The following DGKI variants were observed in gnomAD, a reference collection of about 807,000 sequenced individuals.
The protein encoded by DGKI is diacylglycerol kinase iota.
DGKI carries 55 observed loss-of-function variants against 147.5 expected under a neutral mutation model. The observed-to-expected ratio is 0.37, with a 90% CI of 0.30 to 0.47. The LOEUF (loss-of-function observed/expected upper bound fraction) is 0.47. DGKI is among the 20% of genes least tolerant of loss of function. DGKI has a pLI of 1.00. For synonymous variants in DGKI, 469 were observed against 477.1 expected (o/e 0.98, Z 0.22); for missense variants, 1,007 against 1,323.8 (o/e 0.76, Z 3.71).
At position 137,472,392 on chromosome 7, in the gene DGKI, T is replaced by TAATTATATGTATATACA. The variant is rs61018353; in HGVS notation, c.2374-2774_2374-2773insTGTATATACATATAATT. Among the ~76,000 whole-genome samples the TAATTATATGTATATACA allele has an allele frequency of 3.1e-4, 4 of 12,842 alleles. 1 individual carries two copies. Among genetic ancestry groups the TAATTATATGTATATACA allele is most frequent in the African/African-American group, 5.1e-4 (4 of 7,800 alleles). 8.4% of individuals were successfully genotyped at this position (12,842 alleles called of 152,430 possible). A position where few individuals can be genotyped will look rare whatever the true frequency, so the allele number is the denominator to read the frequency against. On this transcript the variant is annotated intron_variant, in intron 23 of 32. Coordinates refer to ENST00000614521, the MANE Select transcript of DGKI (RefSeq NM_001321708.2). ...TAATTATTATATGTATATATACATA[T>TAATTATATGTATATACA]TATAATTATTATATGTATATATACA...
intron 20 of DGKI, among the ~76,000 whole-genome samples, chr7:137,552,005 GCTAA>G (rs774052882): frequency 6.6e-5 from 10 of 152,144 alleles, no homozygotes; most frequent in African/African-American, 1.4e-4. Flanking sequence ...TAAAGAGCAG[GCTAA>G]CTATGTGCTT....
chr7:137,581,784 G>A (rs1269093733), intron 15 of DGKI, 66 bp downstream of exon 15: 11 of 1,361,634 alleles, frequency 8.1e-6, no homozygotes, highest in South Asian at 1.2e-5. Flanking sequence ...ACAAACAAAA[G>A]GGAACATGCA....
Position 137,588,475 on chromosome 7 carries a change from C to CTTTTTTTT in DGKI, c.1312-1273_1312-1266dup, listed in dbSNP as rs71533759. On this transcript the variant is annotated intron_variant, in intron 12 of 32. Transcript: ENST00000614521. The stretch of plus-strand genomic sequence containing the variant: ...TAACACAAAGATGGACATACCGATG[C>CTTTTTTTT]TTTTTTTTTTTTTTTTTTTGAGATG... Among the ~76,000 whole-genome samples the CTTTTTTTT allele has an allele frequency of 6.2e-4, 72 of 116,684 alleles. 8 individuals are homozygous for CTTTTTTTT. The highest frequency in any genetic ancestry group is 2.5e-3 in the African/African-American group (68 of 27,464). 76.5% of individuals were successfully genotyped at this position (116,684 alleles called of 152,430 possible).
chr7:137,540,012 C>A lies in DGKI; in HGVS notation c.2147+12357G>T, dbSNP rs146178854. On this transcript the variant is annotated intron_variant, in intron 20 of 32. Transcript: ENST00000614521. Reference sequence around the variant, plus strand: ...AAATGGACCAATTCCTCAAATACTTCGAGCAACTATAAGACAACTAAAACT... The same window carrying A: ...AAATGGACCAATTCCTCAAATACTTAGAGCAACTATAAGACAACTAAAACT... Among the ~76,000 whole-genome samples, 365 of 152,264 alleles carry A rather than the reference C, an allele frequency of 2.4e-3. 1 individual carries two copies. Among genetic ancestry groups the A allele is most frequent in the African/African-American group, 8.6e-3 (357 of 41,552 alleles).
intron 30 of DGKI, among the ~76,000 whole-genome samples, chr7:137,404,649 T>C (rs75420125): frequency 1.9e-3 from 295 of 152,302 alleles, no homozygotes; most frequent in African/African-American, 6.8e-3. Context: ...AGAAATTGTT[T>C]GCCTGGAAGT....
chr7:137,475,300 G>C (rs755722989), intron 23 of DGKI, among the ~76,000 whole-genome samples: 4 of 152,168 alleles, frequency 2.6e-5, no homozygotes, highest in Non-Finnish European at 4.4e-5. Flanking sequence ...CCATTTGTTG[G>C]TTTGGTGCTT....
intron 20 of DGKI, 83 bp from the exon 21 acceptor site, chr7:137,522,049 T>C (rs1274804358): frequency 2.2e-6 from 2 of 914,712 alleles, no homozygotes; most frequent in Admixed American, 2.5e-5. Context: ...AGGGCAATAT[T>C]GTCTCTTCAT....
At chr7:137,785,732 A>G (rs1454919980) in intron 1 of DGKI, among the ~76,000 whole-genome samples, 1 of 152,112 alleles carries the variant, frequency 6.6e-6, no homozygotes, top group African/African-American at 2.4e-5. Context: ...CCAACAAAAT[A>G]CTAGTGAACT....
intron 27 of DGKI, among the ~76,000 whole-genome samples, chr7:137,458,193 C>T (rs1814278709): frequency 6.6e-6 from 1 of 152,130 alleles, no homozygotes; most frequent in South Asian, 2.1e-4. Flanking sequence ...AATGAAATCA[C>T]AAATCAGACC....
intron 1 of DGKI, among the ~76,000 whole-genome samples, chr7:137,704,870 T>C (rs568978758): frequency 6.6e-6 from 1 of 152,290 alleles, no homozygotes; most frequent in Non-Finnish European, 1.5e-5. Context: ...CGATATGTTA[T>C]ATGTGCTGAA....
intron 6 of DGKI, among the ~76,000 whole-genome samples, chr7:137,628,260 T>C (rs911391990): frequency 6.6e-6 from 1 of 152,112 alleles, no homozygotes; most frequent in African/African-American, 2.4e-5. Context: ...AAACAAACAA[T>C]AAGGCCAATC....
At chr7:137,462,474 C>G (rs1814483796) in intron 27 of DGKI, among the ~76,000 whole-genome samples, 1 of 152,206 alleles carries the variant, frequency 6.6e-6, no homozygotes, top group Non-Finnish European at 1.5e-5. Context: ...ATGAAGTCTT[C>G]TGCCCTGAGG....
At position 137,395,593 on chromosome 7, in the gene DGKI, G is replaced by A. The variant is rs1811520543; in HGVS notation, c.3057+5C>T. ...GAGGATGTTTGCACTCACTCATCGA[G>A]TTACCTTGGAGTCCGTCTTTCTCAG... On this transcript the variant is annotated splice_donor_5th_base_variant and intron_variant, in intron 32 of 32. Transcript: ENST00000614521. 5 of 1,613,646 alleles carry A rather than the reference G, an allele frequency of 3.1e-6. No individual in the cohort carries two copies. The East Asian group carries it at 8.9e-5, about 29-fold the overall frequency.
At chr7:137,572,239 A>C (rs1454503088) in intron 18 of DGKI, among the ~76,000 whole-genome samples, 1 of 152,216 alleles carries the variant, frequency 6.6e-6, no homozygotes, top group Non-Finnish European at 1.5e-5. Context: ...TTTTGAGTCT[A>C]GTTATCTTAA....
chr7:137,406,413 A>C (rs1278001459), intron 30 of DGKI, among the ~76,000 whole-genome samples: 2 of 152,182 alleles, frequency 1.3e-5, no homozygotes, highest in African/African-American at 4.8e-5. Context: ...TTTCCAGGGC[A>C]GACAGGTTTG....
rs763216030 is a variant in DGKI, at chr7:137,771,146, AGTG to A, written c.401+75313_401+75315del. On this transcript the variant is annotated intron_variant, in intron 1 of 32. Coordinates refer to ENST00000614521, the MANE Select transcript of DGKI (RefSeq NM_001321708.2). ...ACCTCTGTCACTTAAGCTGGAGTGC[AGTG>A]GTGCAATCTCAGTTCACTGCAACCT... Among the ~76,000 whole-genome samples, 46 of 152,084 alleles carry A rather than the reference AGTG, an allele frequency of 3.0e-4. 1 individual carries two copies. Among genetic ancestry groups the A allele is most frequent in the Non-Finnish European group, 6.0e-4 (41 of 67,988 alleles).
chr7:137,540,761 C>CAAAAA lies in DGKI; in HGVS notation c.2147+11607_2147+11608insTTTTT, dbSNP rs1563075671. 1.1e-4 allele frequency among the ~76,000 whole-genome samples: 4 copies of CAAAAA among 35,538 alleles called. 1 individual carries two copies. The highest frequency in any genetic ancestry group is 8.9e-4 in the East Asian group (1 of 1,124). 23.3% of individuals were successfully genotyped at this position (35,538 alleles called of 152,430 possible). On this transcript the variant is annotated intron_variant, in intron 20 of 32. Coordinates refer to ENST00000614521, the MANE Select transcript of DGKI (RefSeq NM_001321708.2). ...GGAAACAAACATTTTAAAAACCCCC[C>CAAAAA]CAAAAAAAAAAAAAAAAAAAAAAAA...
chr7:137,394,782 G>T (rs990740150), intron 32 of DGKI, among the ~76,000 whole-genome samples: 3 of 152,144 alleles, frequency 2.0e-5, no homozygotes, highest in African/African-American at 7.2e-5. Context: ...AGTGCCACAG[G>T]TATCACTGTA....
intron 6 of DGKI, among the ~76,000 whole-genome samples, chr7:137,631,749 A>T (rs1251774854): frequency 1.3e-5 from 2 of 152,134 alleles, no homozygotes; most frequent in Non-Finnish European, 2.9e-5. Context: ...AAAATGAACC[A>T]TGTTAAGTAA....
Sources: gnomAD v4.1 joint callset for allele counts (sites outside exome capture counted in the v4.1 genomes callset) on GRCh38, gnomAD v4.1.1 for gene constraint, MANE v1.5 for transcripts, NCBI Gene and HGNC (gene_info 2026-07-23, HGNC 2026-07-21) for gene names.